Variants in CDH6 observed in about 807,000 individuals in gnomAD.
CDH6 encodes the protein cadherin 6, also known as cadherin-6.
In CDH6, 31 loss-of-function variants were observed where a neutral mutation model predicts 78.0. The observed-to-expected ratio is 0.40, with a 90% CI of 0.30 to 0.54. CDH6 has a LOEUF of 0.54. Among genes scored for constraint, CDH6 ranks in the 20% least tolerant of loss-of-function variants. The pLI, the probability that CDH6 is intolerant of heterozygous loss-of-function variation, is 0.56. For synonymous variants in CDH6, 376 were observed against 368.8 expected (o/e 1.02, Z -0.23); for missense variants, 724 against 975.9 (o/e 0.74, Z 3.44).
intron 1 of CDH6, among the ~76,000 whole-genome samples, chr5:31,232,412 T>C (rs1178473138): frequency 3.3e-5 from 5 of 152,194 alleles, no homozygotes; most frequent in Non-Finnish European, 5.9e-5. Context: ...CCCAGTGTCA[T>C]AGGTGCTGCC....
At chr5:31,317,311 A>G (rs1457985666) in intron 9 of CDH6, 64 bp from the exon 10 acceptor site, 1 of 801,864 alleles carries the variant, frequency 1.2e-6, no homozygotes, top group Non-Finnish European at 2.1e-6. Context: ...AATTTATTGC[A>G]AAACGGTAAG....
chr5:31,243,852 G>A (rs1295804026), intron 1 of CDH6, among the ~76,000 whole-genome samples: 1 of 152,162 alleles, frequency 6.6e-6, no homozygotes. Flanking sequence ...TCATGAAAAT[G>A]TGCAAATAAA....
intron 2 of CDH6, among the ~76,000 whole-genome samples, chr5:31,287,955 T>C (rs1170737839): frequency 6.6e-6 from 1 of 152,208 alleles, no homozygotes; most frequent in African/African-American, 2.4e-5. Context: ...TCTTTCACAT[T>C]ACAGGCTGGT....
intron 1 of CDH6, among the ~76,000 whole-genome samples, chr5:31,238,789 A>G (rs1176869541): frequency 6.6e-6 from 1 of 152,224 alleles, no homozygotes; most frequent in Non-Finnish European, 1.5e-5. Context: ...TGAACTGGAC[A>G]ACATAGCTCT....
chr5:31,209,449 T>G (rs2111799246), intron 1 of CDH6, among the ~76,000 whole-genome samples: 1 of 152,308 alleles, frequency 6.6e-6, no homozygotes, highest in East Asian at 1.9e-4. Context: ...AGCTTTAGAA[T>G]GAGAAGTAGA....
chr5:31,249,077 C>T (rs1741836038), intron 1 of CDH6: 1 of 152,124 alleles, frequency 6.6e-6, no homozygotes, highest in Admixed American at 6.5e-5. Flanking sequence ...TAGATCTAAT[C>T]ATTCCACAAT....
chr5:31,264,606 TTTTAAAAAAACTATAGAA>T, intron 1 of CDH6, among the ~76,000 whole-genome samples: 1 of 152,290 alleles, frequency 6.6e-6, no homozygotes, highest in East Asian at 1.9e-4. Context: ...TAAAGGGGTT[TTTTAAAAAAACTATAGAA>T]TTTCACAGAG....
chr5:31,253,888 TC>T (rs746095632), intron 1 of CDH6, among the ~76,000 whole-genome samples: 3 of 151,666 alleles, frequency 2.0e-5, no homozygotes, highest in Non-Finnish European at 4.4e-5. Flanking sequence ...TTCAGAAAAA[TC>T]TGCTTTTTAA....
intron 1 of CDH6, among the ~76,000 whole-genome samples, chr5:31,221,757 G>A (rs1323844841): frequency 6.6e-6 from 1 of 152,188 alleles, no homozygotes; most frequent in Non-Finnish European, 1.5e-5. Flanking sequence ...ACTGGGGAGA[G>A]AGTTGTTTAA....
chr5:31,228,600 G>A (rs1299360829), intron 1 of CDH6, among the ~76,000 whole-genome samples: 1 of 152,190 alleles, frequency 6.6e-6, no homozygotes, highest in African/African-American at 2.4e-5. Flanking sequence ...CCACAGATGT[G>A]GTGGGGTGAG....
chr5:31,306,106 A>G (rs2149954353), intron 7 of CDH6, among the ~76,000 whole-genome samples: 1 of 152,352 alleles, frequency 6.6e-6, no homozygotes, highest in East Asian at 1.9e-4. Flanking sequence ...ATGATTTTTA[A>G]CAAATCAAGC....
rs1219900958 is a variant in CDH6, at chr5:31,323,962, A to T, written c.*654A>T. On this transcript the variant is annotated 3_prime_UTR_variant, in exon 12 of 12. Coordinates refer to ENST00000265071, the MANE Select transcript of CDH6 (RefSeq NM_004932.4). Reference sequence around the variant, plus strand: ...GCAACCACAAACCTAGTACGACTTCATTCCTTCCACTAACTCATAGTTTGT... The same window carrying T: ...GCAACCACAAACCTAGTACGACTTCTTTCCTTCCACTAACTCATAGTTTGT... 2 of 228,506 alleles carry T rather than the reference A, an allele frequency of 8.8e-6. No homozygotes were observed. Among genetic ancestry groups the T allele is most frequent in the Non-Finnish European group, 1.7e-5 (2 of 115,176 alleles). 14.2% of individuals were successfully genotyped at this position (228,506 alleles called of 1,614,324 possible).
chr5:31,285,068 A>G (rs1486879360), intron 2 of CDH6, among the ~76,000 whole-genome samples: 1 of 152,256 alleles, frequency 6.6e-6, no homozygotes, highest in Non-Finnish European at 1.5e-5. Context: ...CAATGGCACT[A>G]GAGCTTGAGG....
intron 2 of CDH6, among the ~76,000 whole-genome samples, chr5:31,277,944 T>A (rs747260123): frequency 6.6e-6 from 1 of 152,212 alleles, no homozygotes; most frequent in Non-Finnish European, 1.5e-5. Flanking sequence ...CGTTGTGAAA[T>A]GATTACTATC....
chr5:31,206,897 CA>C (rs1205200311), intron 1 of CDH6, among the ~76,000 whole-genome samples: 1 of 151,946 alleles, frequency 6.6e-6, no homozygotes, highest in African/African-American at 2.4e-5. Flanking sequence ...CCTTCACTAC[CA>C]AAAGCTTAAC....
chr5:31,304,683 CA>C (rs11398035), intron 6 of CDH6, among the ~76,000 whole-genome samples: 4,111 of 67,822 alleles, frequency 0.061, 48 homozygotes, highest in African/African-American at 0.16. Flanking sequence ...GACTCCGTCT[CA>C]AAAAAAAAAA....
At chr5:31,265,392 C>T (rs960349582) in intron 1 of CDH6, among the ~76,000 whole-genome samples, 2 of 152,188 alleles carry the variant, frequency 1.3e-5, no homozygotes, top group African/African-American at 4.8e-5. Flanking sequence ...GTGGAATATA[C>T]AACTTCCCCA....
chr5:31,308,829 CACAA>C (rs1738068315), intron 7 of CDH6, among the ~76,000 whole-genome samples: 1 of 151,884 alleles, frequency 6.6e-6, no homozygotes, highest in South Asian at 2.1e-4. Flanking sequence ...GGGGAAAAGA[CACAA>C]AGAATAAAAC....
intron 2 of CDH6, among the ~76,000 whole-genome samples, chr5:31,289,141 A>G (rs972037067): frequency 6.6e-6 from 1 of 152,036 alleles, no homozygotes; most frequent in African/African-American, 2.4e-5. Flanking sequence ...CCCACTTTGG[A>G]GTCCCAGAGT....
Sources: gnomAD v4.1 joint callset for allele counts (sites outside exome capture counted in the v4.1 genomes callset) on GRCh38, gnomAD v4.1.1 for gene constraint, MANE v1.5 for transcripts, NCBI Gene and HGNC (gene_info 2026-07-23, HGNC 2026-07-21) for gene names.